Variants in KIAA0825 observed in about 807,000 individuals in gnomAD.
KIAA0825 encodes KIAA0825, also known as uncharacterized protein KIAA0825.
Under a neutral mutation model 147.6 loss-of-function variants are expected in KIAA0825, and 119 were observed. The ratio of observed to expected loss-of-function variants is 0.81; its 90% confidence interval spans 0.69 to 0.94. The LOEUF is 0.94. Among genes scored for constraint, KIAA0825 ranks in the 40% least tolerant of loss-of-function variants. KIAA0825 has a pLI of 0.00. For missense variants in KIAA0825, 1,381 were observed against 1,472.7 expected (o/e 0.94, Z 1.02); for synonymous variants, 470 against 518.1 (o/e 0.91, Z 1.26).
rs201350891 is a variant in KIAA0825, at chr5:94,520,088, GA to G, written c.970+159del. 1.1e-3 allele frequency: 1,208 copies of G among 1,149,164 alleles called. 14 individuals carry two copies. In the African/African-American group the frequency reaches 0.015, roughly 15 times the overall value. The allele number at this position is 1,149,164 out of a possible 1,614,324, so 71.2% of individuals were successfully genotyped here. A position where few individuals can be genotyped will look rare whatever the true frequency, so the allele number is the denominator to read the frequency against. ...AAATACTTTTATAACTACAATTATA[GA>G]AAAAAATGCATGAGAAATGTATACT... On this transcript the variant is annotated intron_variant, in intron 5 of 20. Coordinates refer to ENST00000682413, the MANE Select transcript of KIAA0825 (RefSeq NM_001145678.3).
Position 94,268,101 on chromosome 5 carries a change from G to A in KIAA0825, c.3711-113977C>T, listed in dbSNP as rs114963897. 8.0e-4 allele frequency among the ~76,000 whole-genome samples: 121 copies of A among 152,000 alleles called. 1 individual carries two copies. The highest frequency in any genetic ancestry group is 1.5e-3 in the Non-Finnish European group (102 of 67,982). ...AAAAAAAACAGAAGCAAGATTATTC[G>A]TTTAAAATTGCAATTAAAAGAGGAC... On this transcript the variant is annotated intron_variant, in intron 20 of 20. Transcript: ENST00000682413.
At chr5:94,284,090 T>G (rs994288282) in intron 20 of KIAA0825, among the ~76,000 whole-genome samples, 1 of 152,148 alleles carries the variant, frequency 6.6e-6, no homozygotes, top group Non-Finnish European at 1.5e-5. Flanking sequence ...AAACTTGTAT[T>G]GTAAAAAATG....
chr5:94,418,957 A>G (rs1753824848), intron 14 of KIAA0825, among the ~76,000 whole-genome samples: 1 of 152,064 alleles, frequency 6.6e-6, no homozygotes, highest in Admixed American at 6.6e-5. Flanking sequence ...AGCTCATTGC[A>G]GCCCCAAACT....
In KIAA0825 at chr5:94,355,444, G is replaced by C. The variant is rs557053575; in HGVS notation, c.3710+28924C>G. On this transcript the variant is annotated intron_variant, in intron 20 of 20. Transcript: ENST00000682413. ...TGTAATGTTATGCTGAGTGAGATTG[G>C]AAAGTAAGTCACGATATATAGAGTT... 1.3e-4 allele frequency among the ~76,000 whole-genome samples: 20 copies of C among 152,242 alleles called. No homozygotes were observed. The South Asian group carries it at 1.7e-3, about 13-fold the overall frequency.
Position 94,564,071 on chromosome 5 carries a change from C to T in KIAA0825, c.-2+18362G>A, listed in dbSNP as rs1778096104. Among the ~76,000 whole-genome samples the T allele has an allele frequency of 3.3e-5, 5 of 152,122 alleles. No homozygotes were observed. The South Asian group carries it at 1.0e-3, about 31-fold the overall frequency. On this transcript the variant is annotated intron_variant, in intron 2 of 20. Coordinates refer to ENST00000682413, the MANE Select transcript of KIAA0825 (RefSeq NM_001145678.3). ...ATCTGATGTCAGTCTTCCCTCCAAC[C>T]TCCTATACTTGACACTAGTTCCGCT... is the stretch of plus-strand genomic sequence containing the variant.
chr5:94,464,854 C>T lies in KIAA0825; in HGVS notation c.2063+15G>A, dbSNP rs1000642409. On this transcript the variant is annotated intron_variant, in intron 11 of 20. Coordinates refer to ENST00000682413, the MANE Select transcript of KIAA0825 (RefSeq NM_001145678.3). The stretch of plus-strand genomic sequence containing the variant: ...AGTTTTCTTGAAAAGCAATGTTTTT[C>T]AGAACTTCAATTACCTTAACTGTGG... 18 of 1,533,326 alleles carry T rather than the reference C, an allele frequency of 1.2e-5. No homozygotes were observed. Among genetic ancestry groups the T allele is most frequent in the Non-Finnish European group, 1.6e-5 (18 of 1,139,192 alleles). The allele number at this position is 1,533,326 out of a possible 1,614,324, so 95.0% of individuals were successfully genotyped here. A position where few individuals can be genotyped will look rare whatever the true frequency, so the allele number is the denominator to read the frequency against.
At chr5:94,527,635 T>C (rs1328635752) in intron 3 of KIAA0825, among the ~76,000 whole-genome samples, 1 of 152,068 alleles carries the variant, frequency 6.6e-6, no homozygotes, top group African/African-American at 2.4e-5. Flanking sequence ...CTCTTGCTTA[T>C]ACTTCTTTAC....
chr5:94,365,952 TA>T (rs754646145), intron 20 of KIAA0825, among the ~76,000 whole-genome samples: 2 of 152,180 alleles, frequency 1.3e-5, no homozygotes, highest in Non-Finnish European at 2.9e-5. Flanking sequence ...CCGCGCTCAA[TA>T]AATCAGCTGG....
intron 20 of KIAA0825, among the ~76,000 whole-genome samples, chr5:94,197,258 G>A (rs1280767218): frequency 2.0e-5 from 3 of 152,066 alleles, no homozygotes; most frequent in African/African-American, 7.2e-5. Flanking sequence ...TTGGCCATGT[G>A]TATGTCTTCT....
chr5:94,608,249 T>C (rs1561388921), intron 1 of KIAA0825, among the ~76,000 whole-genome samples: 2 of 143,312 alleles, frequency 1.4e-5, no homozygotes, highest in African/African-American at 5.2e-5. Context: ...TTACTTTTAT[T>C]TTTATTTATT....
chr5:94,424,921 C>A (rs952131227), intron 14 of KIAA0825, among the ~76,000 whole-genome samples: 2 of 152,184 alleles, frequency 1.3e-5, no homozygotes, highest in East Asian at 3.9e-4. Context: ...ACACATATAA[C>A]CTACCAAGAT....
At chr5:94,516,684 G>A (rs1237303401) in intron 5 of KIAA0825, among the ~76,000 whole-genome samples, 7 of 108,382 alleles carry the variant, frequency 6.5e-5, no homozygotes, top group East Asian at 5.3e-4. Flanking sequence ...CCAGCTACTC[G>A]GGAGGCTGAG....
chr5:94,408,065 G>A (rs1238551077), intron 15 of KIAA0825, among the ~76,000 whole-genome samples: 1 of 152,194 alleles, frequency 6.6e-6, no homozygotes, highest in Non-Finnish European at 1.5e-5. Flanking sequence ...TAATACGTAA[G>A]TGAATAAACA....
intron 2 of KIAA0825, among the ~76,000 whole-genome samples, chr5:94,540,104 C>G (rs893881297): frequency 6.6e-6 from 1 of 152,144 alleles, no homozygotes; most frequent in Admixed American, 6.5e-5. Flanking sequence ...CCTTCCCCAC[C>G]CCGCCTGAGG....
chr5:94,234,293 C>T (rs1774911380), intron 20 of KIAA0825, among the ~76,000 whole-genome samples: 1 of 151,776 alleles, frequency 6.6e-6, no homozygotes, highest in African/African-American at 2.4e-5. Context: ...ATGGCGTGAA[C>T]CCGGGAGGCG....
intron 3 of KIAA0825, among the ~76,000 whole-genome samples, chr5:94,532,484 T>G (rs947008590): frequency 4.0e-5 from 6 of 151,840 alleles, no homozygotes; most frequent in African/African-American, 1.5e-4. Context: ...CCTTCCTCCC[T>G]TCCTCCATTT....
At chr5:94,310,145 G>T (rs913484483) in intron 20 of KIAA0825, among the ~76,000 whole-genome samples, 3 of 151,602 alleles carry the variant, frequency 2.0e-5, no homozygotes, top group African/African-American at 7.3e-5. Flanking sequence ...AAAATTCATG[G>T]TATTCCTATT....
At chr5:94,462,347 A>G in intron 12 of KIAA0825, 40 bp downstream of exon 12, 1 of 1,018,156 alleles carries the variant, frequency 9.8e-7, no homozygotes, top group Non-Finnish European at 1.4e-6. Context: ...TAATCACGTT[A>G]TATCATAATA....
chr5:94,347,185 A>C (rs1368546198), intron 20 of KIAA0825, among the ~76,000 whole-genome samples: 3 of 152,114 alleles, frequency 2.0e-5, no homozygotes, highest in African/African-American at 7.2e-5. Flanking sequence ...GCTCAGACAC[A>C]CTTGGCCCTG....
Sources: gnomAD v4.1 joint callset for allele counts (sites outside exome capture counted in the v4.1 genomes callset) on GRCh38, gnomAD v4.1.1 for gene constraint, MANE v1.5 for transcripts, NCBI Gene and HGNC (gene_info 2026-07-23, HGNC 2026-07-21) for gene names.